STX8: variants seen among roughly 807,000 people sequenced by gnomAD.
The protein encoded by STX8 is syntaxin 8, also known as syntaxin-8.
In STX8, 23 loss-of-function variants were observed where a neutral mutation model predicts 37.5. The observed-to-expected ratio is 0.61, with a 90% CI of 0.44 to 0.87. The LOEUF is 0.87. Ranked by LOEUF, STX8 falls within the 40% of genes least tolerant of loss-of-function variation. The pLI is 0.00. For missense variants in STX8, 313 were observed against 284.7 expected, an observed-to-expected ratio of 1.10 and a Z score of -0.71; for synonymous variants, 115 against 99.1, an observed-to-expected ratio of 1.16 and a Z score of -0.95.
At chr17:9,296,026 T>TA (rs1427927708) in intron 7 of STX8, among the ~76,000 whole-genome samples, 3 of 151,956 alleles carry the variant, frequency 2.0e-5, no homozygotes, top group Non-Finnish European at 2.9e-5. Flanking sequence ...CTGCCTCTGC[T>TA]AAAAATACAA....
Position 9,250,527 on chromosome 17 carries a change from G to T in STX8, c.*51C>A. On this transcript the variant is annotated 3_prime_UTR_variant, in exon 8 of 8. Transcript: ENST00000306357. ...GTTTTGCGTACCAAAAGGGTGTTGGGCTTGCATCTGTCATTGGCAGGTGTC... is the reference window on the plus strand; with the variant it reads ...GTTTTGCGTACCAAAAGGGTGTTGGTCTTGCATCTGTCATTGGCAGGTGTC... 1 of 1,503,750 alleles carries T rather than the reference G, an allele frequency of 6.7e-7. No individual in the cohort carries two copies. The highest frequency in any genetic ancestry group is 9.1e-7 in the Non-Finnish European group (1 of 1,099,756). The allele number at this position is 1,503,750 out of a possible 1,614,324, so 93.2% of individuals were successfully genotyped here.
At chr17:9,538,267 G>T (rs1906138740) in intron 4 of STX8, among the ~76,000 whole-genome samples, 1 of 152,176 alleles carries the variant, frequency 6.6e-6, no homozygotes, top group Non-Finnish European at 1.5e-5. Context: ...AGAGAAGGGG[G>T]TTTATGATAT....
intron 7 of STX8, among the ~76,000 whole-genome samples, chr17:9,261,404 G>A (rs1339800491): frequency 4.6e-5 from 7 of 152,120 alleles, no homozygotes; most frequent in African/African-American, 1.2e-4. Context: ...ACTGTGTGTC[G>A]GGTCCAATGG....
chr17:9,513,892 TTATTA>T (rs1330619714), intron 4 of STX8, among the ~76,000 whole-genome samples: 1 of 152,184 alleles, frequency 6.6e-6, no homozygotes, highest in African/African-American at 2.4e-5. Context: ...CTGGAGGACG[TTATTA>T]TATTAAGTAA....
chr17:9,394,214 A>C (rs7212030), intron 6 of STX8, among the ~76,000 whole-genome samples: 2,097 of 152,264 alleles, frequency 0.014, 57 homozygotes, highest in African/African-American at 0.048. Context: ...CTGGGCAGTC[A>C]GTGTCAACCA....
intron 7 of STX8, among the ~76,000 whole-genome samples, chr17:9,352,762 C>T (rs1422505752): frequency 6.6e-6 from 1 of 152,050 alleles, no homozygotes; most frequent in African/African-American, 2.4e-5. Flanking sequence ...TCGGCCTCCC[C>T]CTTACTCCCA....
chr17:9,406,795 T>A (rs1015596010), intron 6 of STX8, among the ~76,000 whole-genome samples: 6 of 152,282 alleles, frequency 3.9e-5, no homozygotes, highest in African/African-American at 9.6e-5. Context: ...CTCCAAAAAA[T>A]TTTTCCAATA....
chr17:9,411,218 A>T (rs916303263), intron 6 of STX8, among the ~76,000 whole-genome samples: 1 of 152,188 alleles, frequency 6.6e-6, no homozygotes, highest in African/African-American at 2.4e-5. Context: ...TAACACCCAG[A>T]TGTGAACTTT....
chr17:9,399,926 G>A (rs186634071), intron 6 of STX8, among the ~76,000 whole-genome samples: 2 of 150,844 alleles, frequency 1.3e-5, no homozygotes, highest in Middle Eastern at 6.9e-3. Flanking sequence ...TACTCCATAA[G>A]TGTCTTCCAA....
At chr17:9,329,921 A>AGAGT (rs139538019) in intron 7 of STX8, among the ~76,000 whole-genome samples, 10,671 of 152,146 alleles carry the variant, frequency 0.07, 1,205 homozygotes, top group African/African-American at 0.24. Context: ...GCCTAGGGTC[A>AGAGT]GATTGGAAGC....
intron 6 of STX8, among the ~76,000 whole-genome samples, chr17:9,414,501 C>G (rs914790912): frequency 6.6e-6 from 1 of 152,134 alleles, no homozygotes; most frequent in Non-Finnish European, 1.5e-5. Flanking sequence ...TCATTGCAAA[C>G]TGGTAACAAA....
intron 6 of STX8, among the ~76,000 whole-genome samples, chr17:9,484,555 C>A (rs1419195819): frequency 1.3e-5 from 2 of 151,770 alleles, no homozygotes. Flanking sequence ...GTGGCTCACG[C>A]CTGTAATCCT....
intron 7 of STX8, among the ~76,000 whole-genome samples, chr17:9,264,450 G>T (rs1228276154): frequency 1.3e-5 from 2 of 152,154 alleles, no homozygotes; most frequent in African/African-American, 4.8e-5. Flanking sequence ...GACCACATGT[G>T]CATGCCACCA....
At chr17:9,392,253 A>G (rs1912247981) in intron 6 of STX8, among the ~76,000 whole-genome samples, 1 of 152,216 alleles carries the variant, frequency 6.6e-6, no homozygotes, top group Non-Finnish European at 1.5e-5. Context: ...TTCAAGTTGC[A>G]TAAGAAACCT....
At chr17:9,528,551 G>A (rs909065435) in intron 4 of STX8, among the ~76,000 whole-genome samples, 1 of 151,996 alleles carries the variant, frequency 6.6e-6, no homozygotes, top group Non-Finnish European at 1.5e-5. Flanking sequence ...CTCGTGATCC[G>A]CCTGCCTCAA....
intron 6 of STX8, among the ~76,000 whole-genome samples, chr17:9,432,421 T>C (rs910480446): frequency 1.3e-5 from 2 of 152,122 alleles, no homozygotes; most frequent in Non-Finnish European, 1.5e-5. Context: ...GCAAACAACT[T>C]AGACACATGG....
intron 7 of STX8, among the ~76,000 whole-genome samples, chr17:9,266,269 A>C (rs1253306343): frequency 1.3e-5 from 2 of 152,164 alleles, no homozygotes; most frequent in African/African-American, 4.8e-5. Context: ...TTTCCAGAAC[A>C]GGGGTGCCCC....
chr17:9,465,320 A>T (rs1376433269), intron 6 of STX8, among the ~76,000 whole-genome samples: 1 of 152,162 alleles, frequency 6.6e-6, no homozygotes, highest in Non-Finnish European at 1.5e-5. Flanking sequence ...CCAGCTGCCC[A>T]CTGGGAGTAG....
intron 7 of STX8, among the ~76,000 whole-genome samples, chr17:9,299,178 C>T (rs1307669836): frequency 6.6e-6 from 1 of 152,162 alleles, no homozygotes; most frequent in African/African-American, 2.4e-5. Flanking sequence ...TTCTCCAACA[C>T]ACACTCACGC....
Sources: gnomAD v4.1 joint callset for allele counts (sites outside exome capture counted in the v4.1 genomes callset) on GRCh38, gnomAD v4.1.1 for gene constraint, MANE v1.5 for transcripts, NCBI Gene and HGNC (gene_info 2026-07-23, HGNC 2026-07-21) for gene names.